Variants in RABGAP1L observed in about 807,000 individuals in gnomAD.
The protein encoded by RABGAP1L is rab GTPase-activating protein 1-like.
Under a neutral mutation model 137.7 loss-of-function variants are expected in RABGAP1L, and 63 were observed. The ratio of observed to expected loss-of-function variants is 0.46; its 90% confidence interval spans 0.37 to 0.56. The LOEUF is 0.56. Among genes scored for constraint, RABGAP1L ranks in the 20% least tolerant of loss-of-function variants. The pLI is 0.00. For missense variants in RABGAP1L, 1,095 were observed against 1,244.0 expected (o/e 0.88, Z 1.80); for synonymous variants, 431 against 433.7 (o/e 0.99, Z 0.08).
Position 174,969,335 on chromosome 1 carries a change from T to C in RABGAP1L, c.2492T>C (p.Leu831Pro). 1 of 1,550,796 alleles carries C rather than the reference T, an allele frequency of 6.4e-7. No individual in the cohort carries two copies. The highest frequency in any genetic ancestry group is 2.4e-5 in the East Asian group (1 of 40,920). ...SMRLEQENDD[L>P]AHELVTSKIA... ...AGGTTGGAACAAGAGAATGATGACC[T>C]TGCCCATGAACTAGTAACAAGCAAA... is the stretch of plus-strand genomic sequence containing the variant. The change falls in exon 21 of 26, where the codon CTT becomes CCT. Residue 831 changes from leucine to proline, a missense_variant. This residue lies in a region of RABGAP1L where 312 missense variants were observed against 435.6 expected (regional missense o/e 0.72). Transcript: ENST00000681986.
chr1:174,450,171 A>T (rs1167247812), intron 13 of RABGAP1L, among the ~76,000 whole-genome samples: 6 of 152,270 alleles, frequency 3.9e-5, no homozygotes, highest in Non-Finnish European at 8.8e-5. Context: ...TGTAATGCAG[A>T]TGCAGGATAC....
chr1:174,563,013 A>G (rs1277515932), intron 13 of RABGAP1L, among the ~76,000 whole-genome samples: 3 of 152,162 alleles, frequency 2.0e-5, no homozygotes, highest in South Asian at 4.1e-4. Context: ...TAAAAAAAGA[A>G]ATAAAAATGA....
At chr1:174,691,853 C>T (rs1199273744) in intron 15 of RABGAP1L, among the ~76,000 whole-genome samples, 4 of 151,936 alleles carry the variant, frequency 2.6e-5, no homozygotes, top group African/African-American at 7.3e-5. Flanking sequence ...TAGGTACCAC[C>T]GTACTACCTC....
chr1:174,485,512 C>T (rs573264199), intron 13 of RABGAP1L, among the ~76,000 whole-genome samples: 5 of 152,190 alleles, frequency 3.3e-5, no homozygotes, highest in Admixed American at 3.3e-4. Flanking sequence ...AGGTATGTTC[C>T]CTCTATCCCC....
chr1:174,328,764 C>T (rs1571243212), intron 11 of RABGAP1L, among the ~76,000 whole-genome samples: 1 of 152,126 alleles, frequency 6.6e-6, no homozygotes, highest in East Asian at 1.9e-4. Context: ...AGCAAGACTC[C>T]ATCTCTAAAT....
chr1:174,422,109 G>C (rs1000895832), intron 13 of RABGAP1L, among the ~76,000 whole-genome samples: 2 of 152,126 alleles, frequency 1.3e-5, no homozygotes, highest in Non-Finnish European at 2.9e-5. Flanking sequence ...TGGTTTCATA[G>C]GCATGTGACC....
At chr1:174,193,977 C>T (rs1449420973) in intron 1 of RABGAP1L, among the ~76,000 whole-genome samples, 2 of 151,988 alleles carry the variant, frequency 1.3e-5, no homozygotes, top group African/African-American at 4.8e-5. Flanking sequence ...AATATTTATC[C>T]TCCATCTGAA....
chr1:174,912,576 G>C (rs1163172392), intron 19 of RABGAP1L, among the ~76,000 whole-genome samples: 1 of 152,224 alleles, frequency 6.6e-6, no homozygotes, highest in African/African-American at 2.4e-5. Context: ...AGTGCCAGCT[G>C]TGTCTAATCT....
chr1:174,980,665 C>T (rs1671020212), intron 23 of RABGAP1L, among the ~76,000 whole-genome samples: 1 of 152,190 alleles, frequency 6.6e-6, no homozygotes, highest in Non-Finnish European at 1.5e-5. Flanking sequence ...GGGTCCAGAT[C>T]AAGGAAAGTC....
At chr1:174,686,140 C>T (rs113180725) in intron 15 of RABGAP1L, among the ~76,000 whole-genome samples, 8 of 152,096 alleles carry the variant, frequency 5.3e-5, no homozygotes, top group Non-Finnish European at 7.4e-5. Context: ...TCAAATGTAA[C>T]GAGAGGCCAA....
At chr1:174,403,305 G>T (rs1225945804) in intron 13 of RABGAP1L, among the ~76,000 whole-genome samples, 3 of 149,814 alleles carry the variant, frequency 2.0e-5, no homozygotes, top group Non-Finnish European at 3.0e-5. Context: ...AAGAGACAGG[G>T]TCTCACCATG....
At chr1:174,526,038 A>G (rs1432704264) in intron 13 of RABGAP1L, among the ~76,000 whole-genome samples, 1 of 152,136 alleles carries the variant, frequency 6.6e-6, no homozygotes, top group Non-Finnish European at 1.5e-5. Flanking sequence ...AGTGATGTTG[A>G]ACATTTTTTC....
At chr1:174,533,242 A>T (rs1026823005) in intron 13 of RABGAP1L, among the ~76,000 whole-genome samples, 1 of 152,212 alleles carries the variant, frequency 6.6e-6, no homozygotes, top group South Asian at 2.1e-4. Flanking sequence ...TCAAAAATAA[A>T]TAAGCAAACA....
intron 13 of RABGAP1L, among the ~76,000 whole-genome samples, chr1:174,583,785 G>T (rs1418947155): frequency 1.3e-5 from 2 of 152,084 alleles, no homozygotes; most frequent in East Asian, 1.9e-4. Flanking sequence ...AAGAGCAAAA[G>T]AATTTTAGGC....
intron 10 of RABGAP1L, among the ~76,000 whole-genome samples, chr1:174,294,241 AT>A (rs1302471492): frequency 6.6e-6 from 1 of 152,152 alleles, no homozygotes; most frequent in Non-Finnish European, 1.5e-5. Context: ...TCTAGTCTGT[AT>A]TCCTTTTGGG....
intron 13 of RABGAP1L, among the ~76,000 whole-genome samples, chr1:174,529,955 G>A (rs1237688370): frequency 6.6e-6 from 1 of 152,116 alleles, no homozygotes; most frequent in Non-Finnish European, 1.5e-5. Flanking sequence ...GCTCTGGCAT[G>A]GAGAAGGCAA....
intron 19 of RABGAP1L, among the ~76,000 whole-genome samples, chr1:174,843,138 A>T (rs574241395): frequency 1.5e-4 from 23 of 151,620 alleles, no homozygotes; most frequent in Admixed American, 1.2e-3. Flanking sequence ...CTGATTCGTA[A>T]TTTTTTCCTC....
chr1:174,610,141 G>C (rs545260185), intron 13 of RABGAP1L, among the ~76,000 whole-genome samples: 2 of 150,568 alleles, frequency 1.3e-5, no homozygotes, highest in South Asian at 4.2e-4. Context: ...TGCCATGCTG[G>C]TGTGCTGCAC....
intron 11 of RABGAP1L, among the ~76,000 whole-genome samples, chr1:174,359,263 TTTTAG>T (rs1226092627): frequency 2.0e-5 from 3 of 152,140 alleles, no homozygotes; most frequent in Non-Finnish European, 4.4e-5. Flanking sequence ...CTTATTTCCT[TTTTAG>T]TTTATTCATC....
Sources: allele counts gnomAD v4.1 joint callset (sites outside exome capture counted in the v4.1 genomes callset), GRCh38; gene constraint gnomAD v4.1.1; regional missense constraint gnomAD v4.1.1; transcripts MANE v1.5; gene names NCBI Gene and HGNC (gene_info 2026-07-23, HGNC 2026-07-21).